The following DENND1A variants were observed in gnomAD, a reference collection of about 807,000 sequenced individuals.
DENND1A encodes the protein DENN domain-containing protein 1A.
A neutral mutation model predicts 113.7 loss-of-function variants in DENND1A; 51 were observed. The observed-to-expected ratio is 0.45, with a 90% CI of 0.36 to 0.57. The LOEUF (loss-of-function observed/expected upper bound fraction) is 0.57, where lower values mean the gene tolerates loss of function less well. Ranked by LOEUF, DENND1A falls within the 20% of genes least tolerant of loss-of-function variation. The probability of loss-of-function intolerance (pLI) is 0.00; values close to 1 mark genes in which losing one functional copy is unlikely to be tolerated. For synonymous variants in DENND1A, 565 were observed against 570.8 expected (o/e 0.99, Z 0.14); for missense variants, 1,258 against 1,395.9 (o/e 0.90, Z 1.57).
intron 9 of DENND1A, among the ~76,000 whole-genome samples, chr9:123,648,515 GTCT>G (rs1288714169): frequency 2.0e-5 from 3 of 152,108 alleles, no homozygotes; most frequent in African/African-American, 4.8e-5. Flanking sequence ...TGACAGGCTT[GTCT>G]TCTTTTTAAT....
chr9:123,526,513 CATT>C (rs573883410), intron 13 of DENND1A, among the ~76,000 whole-genome samples: 24 of 152,336 alleles, frequency 1.6e-4, no homozygotes, highest in African/African-American at 4.8e-4. Context: ...TGGTTGTCAT[CATT>C]TTCCCTCTCC....
In DENND1A at chr9:123,907,424, C is replaced by T. The variant is rs1222514157; in HGVS notation, c.17+22465G>A. The stretch of plus-strand genomic sequence containing the variant: ...TCAAATTGTCCCTGTTTGCAGATGA[C>T]ATGATTGTATATCTAGAAAACCCCA... On this transcript the variant is annotated intron_variant, in intron 1 of 23. Transcript: ENST00000394215. Among the ~76,000 whole-genome samples the T allele has an allele frequency of 2.6e-4, 40 of 151,874 alleles. 2 individuals are homozygous for T. Among genetic ancestry groups the T allele is most frequent in the South Asian group, 6.2e-4 (3 of 4,806 alleles).
At chr9:123,929,195 C>G (rs1426774064) in intron 1 of DENND1A, among the ~76,000 whole-genome samples, 2 of 152,226 alleles carry the variant, frequency 1.3e-5, no homozygotes, top group Non-Finnish European at 2.9e-5. Context: ...AAAGCTAACC[C>G]TCCACCGGGA....
chr9:123,636,348 GCT>G (rs1296005313), intron 9 of DENND1A, among the ~76,000 whole-genome samples: 7 of 150,620 alleles, frequency 4.6e-5, no homozygotes, highest in Admixed American at 4.6e-4. Context: ...ATGGAGTCTC[GCT>G]CTGTCACCCA....
chr9:123,425,821 C>T (rs776290764), intron 19 of DENND1A, among the ~76,000 whole-genome samples: 18 of 152,282 alleles, frequency 1.2e-4, no homozygotes, highest in Admixed American at 6.5e-5. Flanking sequence ...CAAGGGAAGG[C>T]GATGCCTGAG....
rs192227249 is a variant in DENND1A, at chr9:123,812,448, C to T, written c.89-19818G>A. On this transcript the variant is annotated intron_variant, in intron 2 of 23. Coordinates refer to ENST00000394215, the MANE Select transcript of DENND1A (RefSeq NM_001352964.2). ...TTTCAGTTACAAAAAAAAAAAGATG[C>T]TATGAACATTCTTGATATGACACTT... Among the ~76,000 whole-genome samples, 621 of 151,774 alleles carry T rather than the reference C, an allele frequency of 4.1e-3. 5 individuals carry two copies. Among genetic ancestry groups the T allele is most frequent in the African/African-American group, 0.014 (571 of 41,404 alleles).
intron 5 of DENND1A, among the ~76,000 whole-genome samples, chr9:123,711,522 T>TATACATATATATATATATATATATATAC (rs2066625736): frequency 7.0e-6 from 1 of 142,892 alleles, no homozygotes; most frequent in African/African-American, 2.7e-5. Flanking sequence ...TGTATATATA[T>TATACATATATATATATATATATATATAC]ATATATATAT....
chr9:123,853,019 A>G (rs2133171112), intron 2 of DENND1A, among the ~76,000 whole-genome samples: 1 of 152,130 alleles, frequency 6.6e-6, no homozygotes, highest in Middle Eastern at 3.4e-3. Context: ...CCTGGGTTAA[A>G]GCCATTCTCC....
chr9:123,682,587 C>A (rs573117541), intron 5 of DENND1A, among the ~76,000 whole-genome samples: 1 of 152,034 alleles, frequency 6.6e-6, no homozygotes, highest in African/African-American at 2.4e-5. Context: ...ACAAAAAAAC[C>A]TCCTCCCCAA....
At chr9:123,497,796 C>T (rs957192701) in intron 13 of DENND1A, among the ~76,000 whole-genome samples, 1 of 147,200 alleles carries the variant, frequency 6.8e-6, no homozygotes, top group Non-Finnish European at 1.5e-5. Context: ...TTTCCACAGT[C>T]CAATCTCTCT....
At chr9:123,613,668 A>G (rs2060515591) in intron 10 of DENND1A, among the ~76,000 whole-genome samples, 1 of 152,256 alleles carries the variant, frequency 6.6e-6, no homozygotes, top group Non-Finnish European at 1.5e-5. Flanking sequence ...CGGCAATTAA[A>G]CAACATGTGC....
At position 123,570,768 on chromosome 9, in the gene DENND1A, G is replaced by A. The variant is rs117438966; in HGVS notation, c.867+12401C>T. ...AGTCCATAAAAAGGCCTAGTCCCTC[G>A]CTTCTGGAATCAAATGCATTGTTGA... On this transcript the variant is annotated intron_variant, in intron 12 of 23. Transcript: ENST00000394215. Among the ~76,000 whole-genome samples, 246 of 152,260 alleles carry A rather than the reference G, an allele frequency of 1.6e-3. 1 individual carries two copies. The highest frequency in any genetic ancestry group is 3.7e-3 in the Admixed American group (56 of 15,286).
intron 1 of DENND1A, among the ~76,000 whole-genome samples, chr9:123,918,493 A>G (rs1365556531): frequency 6.6e-6 from 1 of 151,568 alleles, no homozygotes; most frequent in Admixed American, 6.6e-5. Context: ...GTCTCAGAAA[A>G]AAAAAAAAAA....
At chr9:123,844,417 T>C (rs1456700365) in intron 2 of DENND1A, among the ~76,000 whole-genome samples, 1 of 152,132 alleles carries the variant, frequency 6.6e-6, no homozygotes, top group African/African-American at 2.4e-5. Flanking sequence ...TCTATTTCTA[T>C]ACACTAACAA....
chr9:123,802,636 A>T (rs1374923436), intron 2 of DENND1A, among the ~76,000 whole-genome samples: 1 of 151,774 alleles, frequency 6.6e-6, no homozygotes, highest in African/African-American at 2.4e-5. Context: ...CTTTCCATTC[A>T]ACCCCTGTAG....
intron 1 of DENND1A, among the ~76,000 whole-genome samples, chr9:123,924,174 A>G (rs1856717319): frequency 6.6e-6 from 1 of 152,232 alleles, no homozygotes; most frequent in Non-Finnish European, 1.5e-5. Flanking sequence ...GACGGGTTAT[A>G]TATGATTCTA....
At position 123,674,338 on chromosome 9, in the gene DENND1A, TCTCTCACA is replaced by T. The variant is rs1387190460; in HGVS notation, c.372+2374_372+2381del. On this transcript the variant is annotated intron_variant, in intron 6 of 23. Coordinates refer to ENST00000394215, the MANE Select transcript of DENND1A (RefSeq NM_001352964.2). ...ATCTCTCTGTCTCTGTCTCTGTCTC[TCTCTCACA>T]CACACACACACACACACACACACAC... Among the ~76,000 whole-genome samples the T allele has an allele frequency of 1.2e-3, 152 of 126,170 alleles. 7 individuals are homozygous for T. The highest frequency in any genetic ancestry group is 5.6e-4 in the Non-Finnish European group (34 of 60,766). The allele number at this position is 126,170 out of a possible 152,430, so 82.8% of individuals were successfully genotyped here.
chr9:123,454,859 T>TC, intron 15 of DENND1A, 80 bp from the exon 16 acceptor site: 4 of 1,395,616 alleles, frequency 2.9e-6, no homozygotes, highest in Non-Finnish European at 4.0e-6. Flanking sequence ...CTTTTTTTTT[T>TC]TTTTTTGAGA....
intron 19 of DENND1A, among the ~76,000 whole-genome samples, chr9:123,434,673 C>T (rs1200276296): frequency 6.6e-6 from 1 of 152,154 alleles, no homozygotes; most frequent in Non-Finnish European, 1.5e-5. Context: ...ACAGAAGCAA[C>T]TCACTCTTCC....
Sources: gnomAD v4.1 joint callset for allele counts (sites outside exome capture counted in the v4.1 genomes callset) on GRCh38, gnomAD v4.1.1 for gene constraint, MANE v1.5 for transcripts, NCBI Gene and HGNC (gene_info 2026-07-23, HGNC 2026-07-21) for gene names.